Variants in EHD1 observed in about 807,000 individuals in gnomAD.
The protein encoded by EHD1 is EH domain-containing protein 1.
EHD1 carries 19 observed loss-of-function variants against 39.0 expected under a neutral mutation model. The observed-to-expected ratio is 0.49, with a 90% CI of 0.34 to 0.72. EHD1 has a LOEUF of 0.72. Ranked by LOEUF, EHD1 falls within the 30% of genes least tolerant of loss-of-function variation. The probability of loss-of-function intolerance (pLI) is 0.01; values close to 1 mark genes in which losing one functional copy is unlikely to be tolerated. For synonymous variants in EHD1, 323 were observed against 331.2 expected, an observed-to-expected ratio of 0.98 and a Z score of 0.27; for missense variants, 542 against 751.5, an observed-to-expected ratio of 0.72 and a Z score of 3.26.
At chr11:64,878,625 G>A, upstream of EHD1, 1 of 1,410,656 alleles carries the variant, frequency 7.1e-7, no homozygotes, top group East Asian at 2.7e-5. Context: ...GCCGAATGCT[G>A]CGCACCCCTC....
At chr11:64,870,482 T>A (rs1274661646) in intron 2 of EHD1, among the ~76,000 whole-genome samples, 1 of 152,228 alleles carries the variant, frequency 6.6e-6, no homozygotes, top group Non-Finnish European at 1.5e-5. Context: ...TCAATGGAAC[T>A]CACTGATGTG....
At chr11:64,871,906 C>T (rs1205303310) in intron 2 of EHD1, among the ~76,000 whole-genome samples, 3 of 152,232 alleles carry the variant, frequency 2.0e-5, no homozygotes, top group Non-Finnish European at 2.9e-5. Context: ...GCAACACCTA[C>T]GTCCACCCCT....
At chr11:64,870,660 A>G (rs1469010972) in intron 2 of EHD1, among the ~76,000 whole-genome samples, 1 of 152,224 alleles carries the variant, frequency 6.6e-6, no homozygotes, top group Non-Finnish European at 1.5e-5. Context: ...GGAACGAACG[A>G]ACTGGCCGGG....
rs371477167 is a variant in EHD1 at position 64,864,568 on chromosome 11, G to A, written c.503-4232C>T. 1.6e-4 allele frequency among the ~76,000 whole-genome samples: 24 copies of A among 152,316 alleles called. No individual in the cohort carries two copies. In the East Asian group the frequency reaches 3.1e-3, roughly 20 times the overall value. ...AGCCTGCAGCGCCTGCCTGGGGCCC[G>A]CAGCCCACAGCCTTTTATGGCCAGC... On this transcript the variant is annotated intron_variant, in intron 2 of 4. Transcript: ENST00000320631.
chr11:64,860,347 G>C lies in EHD1; in HGVS notation c.503-11C>G, dbSNP rs763231410. Reference sequence around the variant, plus strand: ...CTGCAAAGTCATAGCCTGGGGGGAAGAGAAGGGAGAGCTCAGGGGCGCCAA... The same window carrying C: ...CTGCAAAGTCATAGCCTGGGGGGAACAGAAGGGAGAGCTCAGGGGCGCCAA... On this transcript the variant is annotated splice_polypyrimidine_tract_variant and intron_variant, in intron 2 of 4. Transcript: ENST00000320631. 5 of 1,602,466 alleles carry C rather than the reference G, an allele frequency of 3.1e-6. No individual in the cohort carries two copies. Among genetic ancestry groups the C allele is most frequent in the Non-Finnish European group, 4.3e-6 (5 of 1,171,456 alleles).
At position 64,878,457 on chromosome 11, in the gene EHD1, C is replaced by G. The variant is rs1943913345; in HGVS notation, c.8G>C (p.Ser3Thr). The G allele has an allele frequency of 6.2e-7, 1 of 1,604,348 alleles. No homozygotes were observed. Among genetic ancestry groups the G allele is most frequent in the African/African-American group, 1.3e-5 (1 of 74,876 alleles). Residue 3 changes from serine (S) to threonine (T), a missense_variant, in exon 1 of 5, where the codon AGC becomes ACC. Physicochemically the swap from Ser to Thr is moderately conservative, Grantham distance 58. Coordinates refer to ENST00000320631, the MANE Select transcript of EHD1 (RefSeq NM_006795.4). MF[S>T]WVSKDARRKK... ...GCGGCGGGCATCCTTGCTGACCCAG[C>G]TGAACATACTGCCGGACACGGGGCT...
chr11:64,877,783 AG>A (rs1396059921), intron 1 of EHD1: 1 of 362,292 alleles, frequency 2.8e-6, no homozygotes, highest in African/African-American at 2.1e-5. Context: ...CCTGCTGCTG[AG>A]GGGAGTGGGG....
rs1555177199 is a variant in EHD1 at position 64,853,354 on chromosome 11, G to GC, written c.*978dup. 6.6e-6 allele frequency: 1 copy of GC among 152,278 alleles called. No homozygotes were observed. Among genetic ancestry groups the GC allele is most frequent in the Non-Finnish European group, 1.5e-5 (1 of 68,070 alleles). 9.4% of individuals were successfully genotyped at this position (152,278 alleles called of 1,614,324 possible). On this transcript the variant is annotated 3_prime_UTR_variant, in exon 5 of 5. Transcript: ENST00000320631. ...CAAGCTGTCGTGAGGCCCCGCCACC[G>GC]CCACCCACCACCACCTCCCACTGTG...
chr11:64,860,214 T>C lies in EHD1; in HGVS notation c.625A>G (p.Asn209Asp), dbSNP rs781659919. The C allele has an allele frequency of 3.7e-6, 6 of 1,614,166 alleles. No individual in the cohort carries two copies. Among genetic ancestry groups the C allele is most frequent in the Non-Finnish European group, 5.1e-6 (6 of 1,180,030 alleles). The part of the protein sequence containing the change: ...EFSEVIKALK[N>D]HEDKIRVVLN... Reference sequence around the variant, plus strand: ...ACCACGCGGATCTTGTCCTCATGGTTCTTCAGAGCCTTGATCACTTCCGAG... The same window carrying C: ...ACCACGCGGATCTTGTCCTCATGGTCCTTCAGAGCCTTGATCACTTCCGAG... The change falls in exon 3 of 5, where the codon AAC becomes GAC. Residue 209 changes from asparagine to aspartate, a missense_variant. By Grantham distance (23) the Asn-to-Asp change is conservative (BLOSUM62 1). Coordinates refer to ENST00000320631, the MANE Select transcript of EHD1 (RefSeq NM_006795.4).
In EHD1 at chr11:64,874,340, G is replaced by GCATCTGAA. The variant is rs1368629052; in HGVS notation, c.502+73_502+80dup. 9 of 982,218 alleles carry GCATCTGAA rather than the reference G, an allele frequency of 9.2e-6. No homozygotes were observed. In the East Asian group the frequency reaches 2.6e-4, roughly 28 times the overall value. The allele number at this position is 982,218 out of a possible 1,614,324, so 60.8% of individuals were successfully genotyped here. On this transcript the variant is annotated intron_variant, in intron 2 of 4. Coordinates refer to ENST00000320631, the MANE Select transcript of EHD1 (RefSeq NM_006795.4). ...AAAAAAAGGAGAAATCTCAAGGGCA[G>GCATCTGAA]CATCTGAACCAAGTTGCAGATCTTA...
upstream of EHD1, chr11:64,878,957 AC>A: frequency 1.0e-6 from 1 of 1,002,634 alleles, no homozygotes; most frequent in Non-Finnish European, 1.2e-6. Context: ...GCCCCCCCAC[AC>A]CCCCGCGGGA....
Position 64,855,367 on chromosome 11 carries a change from C to T in EHD1, c.1035G>A (p.Glu345=). 6.2e-7 allele frequency: 1 copy of T among 1,614,168 alleles called. No homozygotes were observed. Among genetic ancestry groups the T allele is most frequent in the Non-Finnish European group, 8.5e-7 (1 of 1,180,018 alleles). The change falls in exon 4 of 5, where the codon GAG becomes GAA. Residue 345 remains glutamate, a synonymous_variant. Transcript: ENST00000320631. ...LGEIYQKIER[E]HQISPGDFPS... ...GGAAGTCCCCAGGGGAGATCTGGTG[C>T]TCGCGCTCAATCTTCTGGTAGATCT...
At chr11:64,873,530 G>A (rs541614549) in intron 2 of EHD1, among the ~76,000 whole-genome samples, 1 of 152,254 alleles carries the variant, frequency 6.6e-6, no homozygotes, top group South Asian at 2.1e-4. Context: ...TCAAAAGCAT[G>A]ACAGCCACAT....
At chr11:64,867,875 G>A (rs1283413941) in intron 2 of EHD1, among the ~76,000 whole-genome samples, 1 of 152,252 alleles carries the variant, frequency 6.6e-6, no homozygotes, top group Non-Finnish European at 1.5e-5. Context: ...GCCAGGCATG[G>A]CACCTCAGGG....
upstream of EHD1, chr11:64,878,973 T>A: frequency 1.0e-6 from 1 of 1,001,384 alleles, no homozygotes; most frequent in African/African-American, 1.7e-5. Flanking sequence ...GCGGGATGGC[T>A]CCACGAGACA....
At chr11:64,862,860 C>T (rs1179228459) in intron 2 of EHD1, among the ~76,000 whole-genome samples, 6 of 152,172 alleles carry the variant, frequency 3.9e-5, no homozygotes, top group South Asian at 2.1e-4. Flanking sequence ...GGCGACAGAG[C>T]GACACCCTGT....
intron 3 of EHD1, among the ~76,000 whole-genome samples, chr11:64,858,280 C>T (rs1322875899): frequency 6.6e-6 from 1 of 151,184 alleles, no homozygotes; most frequent in Non-Finnish European, 1.5e-5. Context: ...CTCCTGGGTT[C>T]AAGTGATTCT....
chr11:64,867,377 C>T (rs1026452962), intron 2 of EHD1, among the ~76,000 whole-genome samples: 10 of 151,360 alleles, frequency 6.6e-5, no homozygotes, highest in Non-Finnish European at 1.3e-4. Context: ...TGAGATCGCA[C>T]CACTGCATTT....
Position 64,854,724 on chromosome 11 carries a change from G to T in EHD1, c.1214C>A (p.Pro405His). The T allele has an allele frequency of 6.2e-7, 1 of 1,612,808 alleles. No homozygotes were observed. ...VMVRQEESLM[P>H]SQVVKGGAFD... ...GGCGCCGCCCTTGACCACCTGGGAAGGCATCAGGGACTCCTCCTGCCGCAC... is the reference window on the plus strand; with the variant it reads ...GGCGCCGCCCTTGACCACCTGGGAATGCATCAGGGACTCCTCCTGCCGCAC... Residue 405 changes from proline to histidine, a missense_variant, in exon 5 of 5, where the codon CCT becomes CAT. By Grantham distance (77) the Pro-to-His change is moderately conservative. Transcript: ENST00000320631.
Sources: allele counts gnomAD v4.1 joint callset (sites outside exome capture counted in the v4.1 genomes callset), GRCh38; gene constraint gnomAD v4.1.1; transcripts MANE v1.5; gene names NCBI Gene and HGNC (gene_info 2026-07-23, HGNC 2026-07-21).